GALNT18: variants seen among roughly 807,000 people sequenced by gnomAD.
GALNT18 encodes polypeptide N-acetylgalactosaminyltransferase 18, also known as GalNAc-transferase 18.
Under a neutral mutation model 69.5 loss-of-function variants are expected in GALNT18, and 44 were observed. That is an observed-to-expected ratio of 0.63 (90% confidence interval 0.50 to 0.81). The LOEUF is 0.81. Ranked by LOEUF, GALNT18 falls within the 40% of genes least tolerant of loss-of-function variation. GALNT18 has a pLI of 0.00. For missense variants in GALNT18, 715 were observed against 810.0 expected (o/e 0.88, Z 1.42); for synonymous variants, 364 against 318.2 (o/e 1.14, Z -1.53).
chr11:11,466,169 A>C (rs762453950), intron 1 of GALNT18, among the ~76,000 whole-genome samples: 15 of 152,262 alleles, frequency 9.9e-5, no homozygotes, highest in Non-Finnish European at 2.1e-4. Flanking sequence ...ATTAAGAAGG[A>C]ATGCTGTTCA....
rs189913857 is a variant in GALNT18, at chr11:11,460,090, G to A, written c.236-11154C>T. Among the ~76,000 whole-genome samples the A allele has an allele frequency of 2.4e-3, 367 of 152,252 alleles. 1 individual carries two copies. Among genetic ancestry groups the A allele is most frequent in the Admixed American group, 6.5e-3 (99 of 15,298 alleles). ...TTCTGCCACATTCAAGGACCCCTAC[G>A]GTTGCGTTAGGCACACCTGGGCAAT... On this transcript the variant is annotated intron_variant, in intron 1 of 10. Coordinates refer to ENST00000227756, the MANE Select transcript of GALNT18 (RefSeq NM_198516.3).
chr11:11,529,634 TATATAC>T (rs1443236986), intron 1 of GALNT18, among the ~76,000 whole-genome samples: 1 of 95,852 alleles, frequency 1.0e-5, no homozygotes, highest in African/African-American at 3.4e-5. Context: ...CTTATATATA[TATATAC>T]ACACACACAC....
intron 1 of GALNT18, among the ~76,000 whole-genome samples, chr11:11,471,892 C>T (rs1318678038): frequency 3.9e-5 from 6 of 152,194 alleles, no homozygotes; most frequent in African/African-American, 1.4e-4. Flanking sequence ...GCAGCCTGGC[C>T]CTCCCCATCA....
chr11:11,395,736 C>A (rs1343865877), intron 3 of GALNT18, among the ~76,000 whole-genome samples: 1 of 152,104 alleles, frequency 6.6e-6, no homozygotes, highest in Non-Finnish European at 1.5e-5. Flanking sequence ...GAAAGACCAG[C>A]AGGACAGAAA....
chr11:11,607,713 T>C (rs11021954), intron 1 of GALNT18, among the ~76,000 whole-genome samples: 10,464 of 152,166 alleles, frequency 0.069, 1,196 homozygotes, highest in African/African-American at 0.24. Flanking sequence ...GGCAGGAAGA[T>C]AGGCTGATGT....
At chr11:11,369,782 T>A (rs1019848503) in intron 6 of GALNT18, among the ~76,000 whole-genome samples, 10 of 152,082 alleles carry the variant, frequency 6.6e-5, no homozygotes, top group African/African-American at 2.4e-4. Flanking sequence ...CCTTCCTTTT[T>A]CTCATTGTGT....
At position 11,442,751 on chromosome 11, in the gene GALNT18, T is replaced by C. The variant is rs552635943; in HGVS notation, c.428+5993A>G. On this transcript the variant is annotated intron_variant, in intron 2 of 10. Transcript: ENST00000227756. ...TCCCACCTAGGGCTGCAGAACATAT[T>C]CTGACCACCTTTGCCAACGCCTCCT... Among the ~76,000 whole-genome samples the C allele has an allele frequency of 2.5e-4, 38 of 152,300 alleles. No homozygotes were observed. The South Asian group carries it at 7.1e-3, about 28-fold the overall frequency.
At chr11:11,537,891 T>C (rs2133950659) in intron 1 of GALNT18, among the ~76,000 whole-genome samples, 1 of 152,278 alleles carries the variant, frequency 6.6e-6, no homozygotes, top group Non-Finnish European at 1.5e-5. Context: ...CTGTGCACTG[T>C]GCATCCTTGG....
rs1026103220 is a variant in GALNT18, at chr11:11,562,824, C to T, written c.235+58535G>A. On this transcript the variant is annotated intron_variant, in intron 1 of 10. Transcript: ENST00000227756. This position sits in a 1 kb window ranked among gnomAD's most constrained non-coding sequence, Gnocchi z 4.1. ...GAGAGAGGCTATTTAACCCAGGTCACGTGGAGGAAAGTGGCAAAAAAGACT... is the reference window on the plus strand; with the variant it reads ...GAGAGAGGCTATTTAACCCAGGTCATGTGGAGGAAAGTGGCAAAAAAGACT... 6.6e-6 allele frequency among the ~76,000 whole-genome samples: 1 copy of T among 152,120 alleles called. No homozygotes were observed. The highest frequency in any genetic ancestry group is 1.5e-5 in the Non-Finnish European group (1 of 68,020).
intron 1 of GALNT18, among the ~76,000 whole-genome samples, chr11:11,495,104 A>G (rs1856844523): frequency 6.6e-6 from 1 of 152,128 alleles, no homozygotes; most frequent in Admixed American, 6.5e-5. Context: ...GATGTGAATC[A>G]AAAAGTATTT....
At chr11:11,348,271 A>G (rs7929408) in intron 6 of GALNT18, among the ~76,000 whole-genome samples, 18,589 of 151,450 alleles carry the variant, frequency 0.12, 3,691 homozygotes, top group African/African-American at 0.42. Flanking sequence ...CCAGCTACTC[A>G]GGAGGCTCAG....
intron 1 of GALNT18, among the ~76,000 whole-genome samples, chr11:11,581,956 G>T (rs1859098515): frequency 6.6e-6 from 1 of 151,860 alleles, no homozygotes; most frequent in African/African-American, 2.4e-5. Flanking sequence ...AGAGGACAAA[G>T]TCCCTGCCCC....
chr11:11,299,785 T>C (rs990653900), intron 9 of GALNT18, among the ~76,000 whole-genome samples: 1 of 152,276 alleles, frequency 6.6e-6, no homozygotes, highest in Non-Finnish European at 1.5e-5. Context: ...CATGTGCCAG[T>C]GTCTTTTCCA....
rs77759946 is a variant in GALNT18, at chr11:11,402,938, G to T, written c.596-23674C>A. Among the ~76,000 whole-genome samples, 2,212 of 152,240 alleles carry T rather than the reference G, an allele frequency of 0.015. 52 individuals are homozygous for T. Among genetic ancestry groups the T allele is most frequent in the African/African-American group, 0.051 (2,100 of 41,524 alleles). ...GAAAGTGGGTGCTTCTTTCTTCTCT[G>T]CCCCAGGCATTCCCCTGAGGAAAGT... On this transcript the variant is annotated intron_variant, in intron 3 of 10. Transcript: ENST00000227756. The surrounding 1 kb of genome is among the most constrained non-coding windows in gnomAD (Gnocchi z 4.0).
chr11:11,276,000 G>A (rs118151248), intron 10 of GALNT18, among the ~76,000 whole-genome samples: 1 of 152,072 alleles, frequency 6.6e-6, no homozygotes, highest in Admixed American at 6.5e-5. Flanking sequence ...TCTTAAGATT[G>A]TCTTGGCTAT....
chr11:11,271,276 C>G lies in GALNT18; in HGVS notation c.1692G>C (p.Gln564His). Residue 564 changes from glutamine to histidine, a missense_variant, in exon 11 of 11, where the codon CAG becomes CAC. Physicochemically the swap from Gln to His is conservative, Grantham distance 24 (BLOSUM62 0). Coordinates refer to ENST00000227756, the MANE Select transcript of GALNT18 (RefSeq NM_198516.3). ...HWQFSQGGPI[Q>H]NRKSKRCLEL... Reference sequence around the variant, plus strand: ...CCAGACAGCGCTTAGACTTGCGGTTCTGGATGGGTCCTCCCTAGGGGCCAG... The same window carrying G: ...CCAGACAGCGCTTAGACTTGCGGTTGTGGATGGGTCCTCCCTAGGGGCCAG... 6.2e-7 allele frequency: 1 copy of G among 1,614,018 alleles called. No homozygotes were observed. The highest frequency in any genetic ancestry group is 1.7e-4 in the Middle Eastern group (1 of 6,056).
At chr11:11,349,709 T>G (rs557509350) in intron 6 of GALNT18, among the ~76,000 whole-genome samples, 1 of 152,342 alleles carries the variant, frequency 6.6e-6, no homozygotes, top group South Asian at 2.1e-4. Flanking sequence ...AGGCTTTAGT[T>G]CTGCGTTATC....
chr11:11,532,123 A>T (rs1479680053), intron 1 of GALNT18, among the ~76,000 whole-genome samples: 2 of 152,170 alleles, frequency 1.3e-5, no homozygotes, highest in Admixed American at 6.5e-5. Flanking sequence ...TGAAATGATT[A>T]GCCTAGGTCT....
intron 9 of GALNT18, among the ~76,000 whole-genome samples, chr11:11,295,960 G>A (rs1849393882): frequency 2.0e-5 from 3 of 152,062 alleles, no homozygotes; most frequent in Admixed American, 2.0e-4. Context: ...CCATTGTGTG[G>A]CCTGGATTTC....
Sources: gnomAD v4.1 joint callset for allele counts (sites outside exome capture counted in the v4.1 genomes callset) on GRCh38, gnomAD v4.1.1 for gene constraint, Gnocchi (gnomAD v3.1) non-coding constraint, MANE v1.5 for transcripts, NCBI Gene and HGNC (gene_info 2026-07-23, HGNC 2026-07-21) for gene names.